The following C12orf42 variants were observed in gnomAD, a reference collection of about 807,000 sequenced individuals.
C12orf42 encodes the protein chromosome 12 open reading frame 42.
A neutral mutation model predicts 21.6 loss-of-function variants in C12orf42; 25 were observed. That is an observed-to-expected ratio of 1.16 (90% CI 0.84 to 1.62). The LOEUF is 1.62. Ranked by LOEUF, C12orf42 falls within the 40% of genes most tolerant of loss-of-function variation. The pLI is 0.00. For synonymous variants in C12orf42, 174 were observed against 175.0 expected, an observed-to-expected ratio of 0.99 and a Z score of 0.05; for missense variants, 483 against 459.3, an observed-to-expected ratio of 1.05 and a Z score of -0.47.
the C12orf42 span, among the ~76,000 whole-genome samples, chr12:103,523,251 C>T: frequency 1.5e-4 from 23 of 152,108 alleles, no homozygotes; most frequent in African/African-American, 5.3e-4. Flanking sequence ...ATCACTGTAC[C>T]TTGTCTGGAG....
At chr12:103,188,459 G>T in the C12orf42 span, among the ~76,000 whole-genome samples, 50 of 152,162 alleles carry the variant, frequency 3.3e-4, no homozygotes, top group Non-Finnish European at 6.3e-4. Flanking sequence ...GTGATGTGAG[G>T]ATTGGAACCA....
intron 4 of C12orf42, among the ~76,000 whole-genome samples, chr12:103,336,605 T>C (rs1263315755): frequency 6.6e-6 from 1 of 152,210 alleles, no homozygotes; most frequent in African/African-American, 2.4e-5. Context: ...TAAATGAATA[T>C]ATCCTAAAAG....
chr12:103,064,731 G>A, the C12orf42 span, among the ~76,000 whole-genome samples: 1 of 152,074 alleles, frequency 6.6e-6, no homozygotes, highest in Non-Finnish European at 1.5e-5. Flanking sequence ...CCTTTTACCA[G>A]GGTAACTGTA....
chr12:103,089,166 A>C, the C12orf42 span, among the ~76,000 whole-genome samples: 1 of 151,692 alleles, frequency 6.6e-6, no homozygotes, highest in African/African-American at 2.4e-5. Context: ...TCTTCAAGAC[A>C]GATCTTTTGG....
At chr12:103,077,262 T>C in the C12orf42 span, among the ~76,000 whole-genome samples, 1 of 152,136 alleles carries the variant, frequency 6.6e-6, no homozygotes, top group East Asian at 1.9e-4. Flanking sequence ...GTAGAAAACA[T>C]CCATTAAGCA....
At chr12:103,327,215 G>A (rs2040795994) in intron 4 of C12orf42, among the ~76,000 whole-genome samples, 1 of 152,126 alleles carries the variant, frequency 6.6e-6, no homozygotes, top group Non-Finnish European at 1.5e-5. Flanking sequence ...TAAAGAAGTG[G>A]TTTTCAAGCT....
chr12:103,288,350 G>A (rs2036599676), intron 4 of C12orf42, among the ~76,000 whole-genome samples: 1 of 152,102 alleles, frequency 6.6e-6, no homozygotes, highest in Non-Finnish European at 1.5e-5. Context: ...TAGAGTCTGA[G>A]TAAAACAAAC....
At chr12:103,392,645 T>C (rs150509973) in intron 3 of C12orf42, among the ~76,000 whole-genome samples, 159 of 152,374 alleles carry the variant, frequency 1.0e-3, no homozygotes, top group African/African-American at 3.4e-3. Flanking sequence ...TGCTAGTGCA[T>C]AGACACACAA....
chr12:103,230,105 T>G, the C12orf42 span, among the ~76,000 whole-genome samples: 1 of 152,222 alleles, frequency 6.6e-6, no homozygotes, highest in Admixed American at 6.5e-5. Flanking sequence ...TTTAAATTAT[T>G]AAACATATTG....
At chr12:103,359,830 G>C (rs1298350567) in intron 4 of C12orf42, among the ~76,000 whole-genome samples, 1 of 151,856 alleles carries the variant, frequency 6.6e-6, no homozygotes, top group East Asian at 2.0e-4. Flanking sequence ...AAACTAGCAT[G>C]GTGCCAGTTG....
At chr12:103,215,977 C>CTCATG in the C12orf42 span, among the ~76,000 whole-genome samples, 3 of 152,190 alleles carry the variant, frequency 2.0e-5, no homozygotes, top group Admixed American at 2.0e-4. Context: ...AGTGCATTCT[C>CTCATG]TCATGTCATG....
At position 103,302,351 on chromosome 12, in the gene C12orf42, C is replaced by T. The variant is rs1593337745; in HGVS notation, c.840G>A (p.Met280Ile). ...GNPVGKGAVA[M>I]APEMLPKHPH... Reference sequence around the variant, plus strand: ...GATGCTTGGGGAGCATCTCCGGCGCCATGGCAACCGCGCCTTTTCCGACGG... The same window carrying T: ...GATGCTTGGGGAGCATCTCCGGCGCTATGGCAACCGCGCCTTTTCCGACGG... Residue 280 changes from methionine to isoleucine, a missense_variant, in exon 6 of 6, where the codon ATG (methionine) becomes ATA (isoleucine). Met to Ile is a conservative substitution (Grantham distance 10, BLOSUM62 1). Coordinates refer to ENST00000548883, the MANE Select transcript of C12orf42 (RefSeq NM_198521.5). 1.2e-6 allele frequency: 2 copies of T among 1,614,000 alleles called. No homozygotes were observed. The highest frequency in any genetic ancestry group is 4.5e-5 in the East Asian group (2 of 44,874).
chr12:103,368,887 C>T lies in C12orf42; in HGVS notation c.259G>A (p.Val87Ile), dbSNP rs1336582752. The T allele has an allele frequency of 6.6e-7, 1 of 1,508,570 alleles. No individual in the cohort carries two copies. Among genetic ancestry groups the T allele is most frequent in the Non-Finnish European group, 9.1e-7 (1 of 1,097,448 alleles). The allele number at this position is 1,508,570 out of a possible 1,614,324, so 93.4% of individuals were successfully genotyped here. Residue 87 changes from valine to isoleucine, a missense_variant and splice_region_variant, in exon 4 of 6, where the codon GTA becomes ATA. Val to Ile is a conservative substitution (Grantham distance 29, BLOSUM62 3). Coordinates refer to ENST00000548883, the MANE Select transcript of C12orf42 (RefSeq NM_198521.5). Reference protein sequence around the residue: ...FRSLHFLNFPVFPERTQNSMA... With the variant: ...FRSLHFLNFPIFPERTQNSMA... ...GTCTTGGGATTATGTCTTAATTTAC[C>T]TGGAAAATTCAGAAAGTGTAGACTA...
the C12orf42 span, among the ~76,000 whole-genome samples, chr12:103,229,072 C>T: frequency 2.0e-5 from 3 of 152,254 alleles, no homozygotes; most frequent in African/African-American, 7.2e-5. Context: ...AATTATTACT[C>T]ATCCTCAACA....
intron 4 of C12orf42, among the ~76,000 whole-genome samples, chr12:103,353,683 C>A (rs1446928811): frequency 2.0e-5 from 3 of 152,116 alleles, no homozygotes; most frequent in African/African-American, 4.8e-5. Context: ...CTAAAAACTA[C>A]CCCCCAAATG....
intron 2 of C12orf42, among the ~76,000 whole-genome samples, chr12:103,446,183 A>T (rs958937170): frequency 6.6e-6 from 1 of 152,036 alleles, no homozygotes; most frequent in Non-Finnish European, 1.5e-5. Flanking sequence ...AAACCCTACG[A>T]GCTAGAAGGG....
At chr12:103,443,891 G>A (rs540063192) in intron 2 of C12orf42, among the ~76,000 whole-genome samples, 3 of 152,130 alleles carry the variant, frequency 2.0e-5, no homozygotes, top group South Asian at 2.1e-4. Flanking sequence ...CTAAGTCCTC[G>A]AAACGTAAAA....
At chr12:103,541,435 A>G in the C12orf42 span, among the ~76,000 whole-genome samples, 2 of 152,324 alleles carry the variant, frequency 1.3e-5, no homozygotes, top group African/African-American at 2.4e-5. Flanking sequence ...CCTATCATCT[A>G]GTGATGTCAT....
intron 2 of C12orf42, among the ~76,000 whole-genome samples, chr12:103,430,905 T>C (rs754774537): frequency 7.3e-5 from 11 of 151,394 alleles, no homozygotes; most frequent in Non-Finnish European, 1.5e-4. Context: ...TAAGTGAGAG[T>C]TGAAAAATGA....
Sources: allele counts gnomAD v4.1 joint callset (sites outside exome capture counted in the v4.1 genomes callset), GRCh38; gene constraint gnomAD v4.1.1; transcripts MANE v1.5; gene names NCBI Gene and HGNC (gene_info 2026-07-23, HGNC 2026-07-21).